The following CKAP5 variants were observed in gnomAD, a reference collection of about 807,000 sequenced individuals.
The protein encoded by CKAP5 is cytoskeleton-associated protein 5.
Under a neutral mutation model 232.8 loss-of-function variants are expected in CKAP5, and 27 were observed. The ratio of observed to expected loss-of-function variants is 0.12; its 90% CI spans 0.09 to 0.16. CKAP5 has a LOEUF of 0.16. CKAP5 is among the 10% of genes least tolerant of loss of function. The probability of loss-of-function intolerance (pLI) is 1.00; values close to 1 mark genes in which losing one functional copy is unlikely to be tolerated. For synonymous variants in CKAP5, 785 were observed against 841.1 expected, an observed-to-expected ratio of 0.93 and a Z score of 1.16; for missense variants, 1,838 against 2,424.7, an observed-to-expected ratio of 0.76 and a Z score of 5.08.
chr11:46,758,906 G>A lies in CKAP5; in HGVS notation c.4689+17C>T, dbSNP rs761535331. 17 of 1,612,692 alleles carry A rather than the reference G, an allele frequency of 1.1e-5. No homozygotes were observed. Among genetic ancestry groups the A allele is most frequent in the Admixed American group, 3.3e-5 (2 of 59,772 alleles). ...TGTCCACCAATGGAATCCCTGTCACGGGAGCACACCCATTACCTGTGTCAG... is the reference window on the plus strand; with the variant it reads ...TGTCCACCAATGGAATCCCTGTCACAGGAGCACACCCATTACCTGTGTCAG... On this transcript the variant is annotated intron_variant, in intron 35 of 43. Transcript: ENST00000529230.
At chr11:46,813,708 A>G (rs1426250167) in intron 4 of CKAP5, among the ~76,000 whole-genome samples, 1 of 152,202 alleles carries the variant, frequency 6.6e-6, no homozygotes, top group East Asian at 1.9e-4. Context: ...ATGGGACTAC[A>G]TAACAACATC....
intron 1 of CKAP5, among the ~76,000 whole-genome samples, chr11:46,825,505 CTACT>C (rs1464639383): frequency 1.3e-5 from 2 of 152,112 alleles, no homozygotes; most frequent in African/African-American, 2.4e-5. Flanking sequence ...ATTTTCTCTT[CTACT>C]TAGAGAAAAA....
At chr11:46,786,903 G>C (rs2065399247) in intron 16 of CKAP5, among the ~76,000 whole-genome samples, 1 of 152,164 alleles carries the variant, frequency 6.6e-6, no homozygotes, top group African/African-American at 2.4e-5. Flanking sequence ...AATCTCTCCA[G>C]TCATTAGCTG....
chr11:46,752,684 C>G lies in CKAP5; in HGVS notation c.5084G>C (p.Ser1695Thr). Residue 1695 changes from serine to threonine, a missense_variant, in exon 38 of 44, where the codon AGC (serine) becomes ACC (threonine). Physicochemically the swap from Ser to Thr is moderately conservative, Grantham distance 58. Around this residue, in one of 6 missense-constraint regions of CKAP5, gnomAD observed 579 missense variants for 843.2 expected, o/e 0.69. Coordinates refer to ENST00000529230, the MANE Select transcript of CKAP5 (RefSeq NM_001008938.4). ...GGGAGAACTGGCTGTTGCTAGCAGG[C>G]TGTCTTGGAGCAAAACAAGTAGGGC... Reference protein sequence around the residue: ...LSALLVLLQDSLLATASSPKF... With the variant: ...LSALLVLLQDTLLATASSPKF... The G allele has an allele frequency of 6.2e-7, 1 of 1,612,964 alleles. No homozygotes were observed. The highest frequency in any genetic ancestry group is 1.1e-5 in the South Asian group (1 of 90,998).
rs766669685 is a variant in CKAP5 at position 46,790,506 on chromosome 11, T to C, written c.1728A>G (p.Gly576=). 2.5e-5 allele frequency: 40 copies of C among 1,613,926 alleles called. No homozygotes were observed. In the Admixed American group the frequency reaches 6.7e-4, roughly 27 times the overall value. Residue 576 remains glycine (G), a synonymous_variant, in exon 14 of 44, where the codon GGA becomes GGG. Coordinates refer to ENST00000529230, the MANE Select transcript of CKAP5 (RefSeq NM_001008938.4). ...GCTCCACTATTTCTTTAGTCTCCAGTCCTTTCTTGTTCTTGGTTCCAGTAT... is the reference window on the plus strand; with the variant it reads ...GCTCCACTATTTCTTTAGTCTCCAGCCCTTTCTTGTTCTTGGTTCCAGTAT... ...AGNTGTKNKK[G]LETKEIVEPE...
At chr11:46,761,914 CA>C (rs1467087740) in intron 32 of CKAP5, 85 bp downstream of exon 32, 74 of 1,091,240 alleles carry the variant, frequency 6.8e-5, no homozygotes, top group Non-Finnish European at 9.9e-5. Context: ...AACTTAGCTA[CA>C]GTTGAGAGGA....
At chr11:46,755,188 TA>T (rs1007483233) in intron 35 of CKAP5, 121 bp from the exon 36 acceptor site, 23 of 656,380 alleles carry the variant, frequency 3.5e-5, no homozygotes, top group Admixed American at 1.2e-4. Context: ...AGTCTTACCT[TA>T]AAAAAAAGCC....
At chr11:46,829,515 A>G (rs1466105463) in intron 1 of CKAP5, among the ~76,000 whole-genome samples, 1 of 152,316 alleles carries the variant, frequency 6.6e-6, no homozygotes, top group Non-Finnish European at 1.5e-5. Context: ...ACCCTGAACG[A>G]TGGAGCGAGA....
chr11:46,835,335 A>C (rs552499581), intron 1 of CKAP5, among the ~76,000 whole-genome samples: 32 of 152,220 alleles, frequency 2.1e-4, no homozygotes, highest in African/African-American at 7.7e-4. Flanking sequence ...AGCAGACGGC[A>C]GAGTATCCAG....
chr11:46,806,430 G>A (rs1237023576), intron 8 of CKAP5, among the ~76,000 whole-genome samples: 1 of 152,194 alleles, frequency 6.6e-6, no homozygotes, highest in African/African-American at 2.4e-5. Flanking sequence ...AATTGACAGA[G>A]AATCTGTAGC....
At chr11:46,763,372 A>T in intron 29 of CKAP5, 109 bp downstream of exon 29, 1 of 1,081,204 alleles carries the variant, frequency 9.2e-7, no homozygotes, top group South Asian at 1.6e-5. Flanking sequence ...CTAAAAATAG[A>T]GAACATAGTA....
Position 46,758,968 on chromosome 11 carries a change from T to C in CKAP5, c.4644A>G (p.Gln1548=). 1 of 1,613,708 alleles carries C rather than the reference T, an allele frequency of 6.2e-7. No individual in the cohort carries two copies. Among genetic ancestry groups the C allele is most frequent in the Non-Finnish European group, 8.5e-7 (1 of 1,179,958 alleles). ...TTGTGTTGATGTCACCACTGGCTAC[T>C]TGGGAGATAATGAAATTGATTGTGG... ...TASTINFIIS[Q]VASGDINTSI... is the part of the protein sequence containing the mutation. The change falls in exon 35 of 44, where the codon CAA becomes CAG. Residue 1548 remains glutamine, a synonymous_variant. Coordinates refer to ENST00000529230, the MANE Select transcript of CKAP5 (RefSeq NM_001008938.4).
intron 1 of CKAP5, among the ~76,000 whole-genome samples, chr11:46,837,281 T>TGATAATG (rs1939938838): frequency 6.6e-6 from 1 of 152,130 alleles, no homozygotes. Flanking sequence ...ATGATCTATG[T>TGATAATG]GATAATGGAT....
chr11:46,765,283 A>G (rs995035419), intron 27 of CKAP5, 27 bp from the exon 28 acceptor site: 2 of 1,579,628 alleles, frequency 1.3e-6, no homozygotes, highest in East Asian at 2.3e-5. Context: ...GGGAATACTG[A>G]TTAGCTTGGC....
At chr11:46,788,482 G>A (rs2065418145) in intron 16 of CKAP5, among the ~76,000 whole-genome samples, 199 bp downstream of exon 16, 1 of 152,120 alleles carries the variant, frequency 6.6e-6, no homozygotes, top group Admixed American at 6.5e-5. Context: ...GCTGAGGCAG[G>A]AGAATTGCTT....
chr11:46,842,160 C>T, intron 1 of CKAP5, among the ~76,000 whole-genome samples: 1 of 152,156 alleles, frequency 6.6e-6, no homozygotes, highest in Non-Finnish European at 1.5e-5. Context: ...TCAAAGCTGT[C>T]CCTCAAGGGA....
At chr11:46,759,229 T>C (rs1267718649) in intron 34 of CKAP5, 40 bp downstream of exon 34, 1 of 1,588,958 alleles carries the variant, frequency 6.3e-7, no homozygotes, top group Admixed American at 1.7e-5. Context: ...CGTCTGATCA[T>C]CATGAACTGC....
At chr11:46,830,028 T>G (rs1187347459) in intron 1 of CKAP5, among the ~76,000 whole-genome samples, 1 of 152,048 alleles carries the variant, frequency 6.6e-6, no homozygotes, top group East Asian at 1.9e-4. Flanking sequence ...GATCTTGAGA[T>G]GGGGGGATTA....
intron 1 of CKAP5, among the ~76,000 whole-genome samples, chr11:46,833,548 G>A (rs182360406): frequency 2.0e-5 from 3 of 149,448 alleles, no homozygotes; most frequent in African/African-American, 7.4e-5. Context: ...GGCGGATCTC[G>A]GCTCACTGCA....
Sources: gnomAD v4.1 joint callset for allele counts (sites outside exome capture counted in the v4.1 genomes callset) on GRCh38, gnomAD v4.1.1 for gene constraint, gnomAD v4.1.1 regional missense constraint, MANE v1.5 for transcripts, NCBI Gene and HGNC (gene_info 2026-07-23, HGNC 2026-07-21) for gene names.